The following PSD3 variants were observed in gnomAD, a reference collection of about 807,000 sequenced individuals.
PSD3 encodes PH and SEC7 domain-containing protein 3.
Under a neutral mutation model 105.5 loss-of-function variants are expected in PSD3, and 49 were observed. That is an observed-to-expected ratio of 0.46 (90% CI 0.37 to 0.59). The LOEUF is 0.59. Ranked by LOEUF, PSD3 falls within the 20% of genes least tolerant of loss-of-function variation. PSD3 has a pLI of 0.00. For missense variants in PSD3, 1,561 were observed against 1,263.8 expected, an observed-to-expected ratio of 1.24 and a Z score of -3.57; for synonymous variants, 557 against 457.8, an observed-to-expected ratio of 1.22 and a Z score of -2.77.
At chr8:18,740,070 G>C (rs962086292) in intron 9 of PSD3, among the ~76,000 whole-genome samples, 1 of 152,146 alleles carries the variant, frequency 6.6e-6, no homozygotes, top group Admixed American at 6.5e-5. Context: ...CTATCAACCA[G>C]AGTGGAGGCC....
intron 9 of PSD3, among the ~76,000 whole-genome samples, chr8:18,686,249 G>T (rs1011895551): frequency 6.6e-6 from 1 of 151,846 alleles, no homozygotes; most frequent in Non-Finnish European, 1.5e-5. Context: ...TTGTTCTCTT[G>T]TTTTCACTCT....
At chr8:18,940,129 A>C (rs1384045941) in intron 1 of PSD3, 2 of 152,236 alleles carry the variant, frequency 1.3e-5, no homozygotes, top group African/African-American at 4.8e-5. Flanking sequence ...GGTCCATCCC[A>C]GAGTTTCTGA....
intron 8 of PSD3, among the ~76,000 whole-genome samples, chr8:18,790,451 C>A (rs969152433): frequency 5.3e-5 from 8 of 151,554 alleles, no homozygotes; most frequent in Admixed American, 4.6e-4. Flanking sequence ...TACAGGCTCC[C>A]GCCACCATGC....
chr8:19,039,136 C>T (rs975094), intron 1 of PSD3, among the ~76,000 whole-genome samples: 102,662 of 151,942 alleles, frequency 0.68, 34,836 homozygotes, highest in African/African-American at 0.74. Flanking sequence ...GACCTTTTTT[C>T]CCTTGGCTTT....
intron 1 of PSD3, among the ~76,000 whole-genome samples, chr8:18,954,418 T>C (rs57334374): frequency 0.39 from 59,259 of 151,648 alleles, 11,691 homozygotes; most frequent in Non-Finnish European, 0.41. Flanking sequence ...AGTATATCAG[T>C]TGAGGTACTC....
chr8:18,934,566 G>A (rs1489463693), intron 2 of PSD3, among the ~76,000 whole-genome samples: 5 of 151,936 alleles, frequency 3.3e-5, no homozygotes, highest in East Asian at 1.9e-4. Context: ...ACCTGCCACC[G>A]CGCCCGGCTA....
intron 10 of PSD3, among the ~76,000 whole-genome samples, chr8:18,639,308 T>C (rs1369366876): frequency 6.6e-6 from 1 of 151,996 alleles, no homozygotes; most frequent in African/African-American, 2.4e-5. Flanking sequence ...ACATCTTTGG[T>C]TTTCAGAGCA....
At chr8:18,950,148 C>G (rs1823149114) in intron 1 of PSD3, among the ~76,000 whole-genome samples, 1 of 152,074 alleles carries the variant, frequency 6.6e-6, no homozygotes, top group African/African-American at 2.4e-5. Flanking sequence ...CCCATTATAC[C>G]TTTTTAACTT....
chr8:18,541,893 G>C (rs538662883), intron 15 of PSD3, among the ~76,000 whole-genome samples: 1 of 152,014 alleles, frequency 6.6e-6, no homozygotes, highest in Non-Finnish European at 1.5e-5. Context: ...TGGGATTACA[G>C]GTATGCGCGC....
exon 1 of PSD3, chr8:19,084,514 T>G (rs1397313846): frequency 7.1e-6 from 3 of 425,176 alleles, no homozygotes; most frequent in Non-Finnish European, 1.4e-5. Flanking sequence ...GAGGGACTGC[T>G]GCTTTCATCA....
chr8:18,697,536 A>G (rs1371432228), intron 9 of PSD3, among the ~76,000 whole-genome samples: 1 of 152,206 alleles, frequency 6.6e-6, no homozygotes, highest in Non-Finnish European at 1.5e-5. Flanking sequence ...CGTTGCTATC[A>G]GAAGTCAACT....
chr8:18,684,164 GA>G (rs1800530167), intron 9 of PSD3: 6 of 327,146 alleles, frequency 1.8e-5, no homozygotes, highest in Admixed American at 4.5e-5. Context: ...CTGCAAAGAG[GA>G]AAAAAATGCA....
Position 18,985,131 on chromosome 8 carries a change from G to A in PSD3, c.21+28432C>T, listed in dbSNP as rs537353421. Among the ~76,000 whole-genome samples, 64 of 152,222 alleles carry A rather than the reference G, an allele frequency of 4.2e-4. No individual in the cohort carries two copies. In the South Asian group the frequency reaches 0.012, roughly 29 times the overall value. On this transcript the variant is annotated intron_variant, in intron 1 of 15. Transcript: ENST00000327040. ...ATATTTTTAGTGGAGATGGGGTTTC[G>A]CCATGTTGGCCAGGTTGGTCTCGAA...
intron 9 of PSD3, among the ~76,000 whole-genome samples, chr8:18,752,087 C>T (rs1403566867): frequency 6.6e-6 from 1 of 151,094 alleles, no homozygotes; most frequent in Non-Finnish European, 1.5e-5. Context: ...ACTCGGGAGG[C>T]TGTGTCAGGA....
At chr8:18,881,192 T>G (rs1227815010) in intron 2 of PSD3, among the ~76,000 whole-genome samples, 1 of 152,224 alleles carries the variant, frequency 6.6e-6, no homozygotes, top group Non-Finnish European at 1.5e-5. Context: ...AAAGACCTTT[T>G]TTCTTTTGAT....
Position 18,910,718 on chromosome 8 carries a change from G to T in PSD3, c.130+25316C>A, listed in dbSNP as rs544925350. ...CTCTTCCAAAGGAAAAATACAAAAA[G>T]CTGTTGTGGTATGCCAAGATCCATA... On this transcript the variant is annotated intron_variant, in intron 2 of 15. Coordinates refer to ENST00000327040, the MANE Select transcript of PSD3 (RefSeq NM_015310.4). Among the ~76,000 whole-genome samples, 6 of 148,976 alleles carry T rather than the reference G, an allele frequency of 4.0e-5. 1 individual carries two copies. In the South Asian group the frequency reaches 1.3e-3, roughly 32 times the overall value.
At chr8:18,669,328 T>C (rs981639065) in intron 9 of PSD3, among the ~76,000 whole-genome samples, 26 of 152,194 alleles carry the variant, frequency 1.7e-4, no homozygotes, top group African/African-American at 5.1e-4. Flanking sequence ...ACCCTATATA[T>C]TGTATGTTTT....
intron 2 of PSD3, among the ~76,000 whole-genome samples, chr8:18,917,896 G>A (rs1820728191): frequency 2.0e-5 from 3 of 152,090 alleles, no homozygotes; most frequent in Admixed American, 1.3e-4. Flanking sequence ...TTTTGTCTAA[G>A]CCACCGGTGT....
At chr8:18,609,351 C>A (rs1585377132) in intron 11 of PSD3, among the ~76,000 whole-genome samples, 1 of 152,242 alleles carries the variant, frequency 6.6e-6, no homozygotes, top group South Asian at 2.1e-4. Flanking sequence ...TCTTGAATTT[C>A]CTGAGGTTAA....
Sources: gnomAD v4.1 joint callset for allele counts (sites outside exome capture counted in the v4.1 genomes callset) on GRCh38, gnomAD v4.1.1 for gene constraint, MANE v1.5 for transcripts, NCBI Gene and HGNC (gene_info 2026-07-23, HGNC 2026-07-21) for gene names.